The following FMN1 variants were observed in gnomAD, a reference collection of about 807,000 sequenced individuals.
The protein encoded by FMN1 is formin-1.
FMN1 carries 110 observed loss-of-function variants against 132.4 expected under a neutral mutation model. That is an observed-to-expected ratio of 0.83 (90% CI 0.71 to 0.97). The LOEUF is 0.97. Among genes scored for constraint, FMN1 ranks in the 50% least tolerant of loss-of-function variants. The pLI is 0.00. For synonymous variants in FMN1, 722 were observed against 651.7 expected, an observed-to-expected ratio of 1.11 and a Z score of -1.64; for missense variants, 1,792 against 1,705.3, an observed-to-expected ratio of 1.05 and a Z score of -0.90.
intron 3 of FMN1, among the ~76,000 whole-genome samples, chr15:33,165,542 C>A (rs951520715): frequency 1.3e-5 from 2 of 152,158 alleles, no homozygotes; most frequent in African/African-American, 2.4e-5. Flanking sequence ...AGGCGCCCGC[C>A]ACCACGCCCG....
intron 5 of FMN1, chr15:33,067,233 C>G (rs1282151894): frequency 6.2e-7 from 1 of 1,613,352 alleles, no homozygotes; most frequent in Non-Finnish European, 8.5e-7. Flanking sequence ...TTGCCAGCTT[C>G]CAGTTTGCTG....
intron 4 of FMN1, among the ~76,000 whole-genome samples, chr15:33,106,602 T>C (rs2039497244): frequency 1.3e-5 from 2 of 152,106 alleles, no homozygotes; most frequent in African/African-American, 4.8e-5. Context: ...GAGTTCACTG[T>C]TCACTCTTCA....
At chr15:32,827,500 A>C (rs1321874846) in intron 17 of FMN1, among the ~76,000 whole-genome samples, 1 of 152,296 alleles carries the variant, frequency 6.6e-6, no homozygotes, top group African/African-American at 2.4e-5. Context: ...TTCTAACAAA[A>C]GAGTTATAAT....
At chr15:33,141,107 T>A (rs1242440638) in intron 4 of FMN1, among the ~76,000 whole-genome samples, 1 of 152,188 alleles carries the variant, frequency 6.6e-6, no homozygotes, top group East Asian at 1.9e-4. Context: ...CTTTTCTTCT[T>A]ACTTTGTTAA....
intron 7 of FMN1, among the ~76,000 whole-genome samples, chr15:32,985,100 A>ATTATC (rs368510318): frequency 1.8e-3 from 273 of 151,854 alleles, no homozygotes; most frequent in African/African-American, 6.5e-3. Context: ...GCAGTTACTT[A>ATTATC]TTATCTTTTT....
At chr15:33,161,972 T>G (rs1964914990) in intron 3 of FMN1, among the ~76,000 whole-genome samples, 2 of 151,988 alleles carry the variant, frequency 1.3e-5, no homozygotes, top group African/African-American at 4.8e-5. Context: ...TTAATGGCTC[T>G]TCTTCTTTCC....
intron 6 of FMN1, among the ~76,000 whole-genome samples, chr15:33,032,606 T>C (rs558958996): frequency 2.0e-5 from 3 of 152,356 alleles, no homozygotes; most frequent in Non-Finnish European, 4.4e-5. Flanking sequence ...TAGAGGACCA[T>C]CTCTGGTGTT....
In FMN1 at chr15:32,829,671, T is replaced by C. The variant is rs139979764; in HGVS notation, c.3929-25339A>G. ...TTGGTGTTGGTATGGACTGGGCATA[T>C]TGTCTCAGCTTACAAAAGCAATAAG... On this transcript the variant is annotated intron_variant, in intron 17 of 20. Coordinates refer to ENST00000616417, the MANE Select transcript of FMN1 (RefSeq NM_001277313.2). 6.1e-3 allele frequency among the ~76,000 whole-genome samples: 923 copies of C among 152,292 alleles called. 3 individuals are homozygous for C. Among genetic ancestry groups the C allele is most frequent in the South Asian group, 0.017 (80 of 4,826 alleles).
intron 6 of FMN1, among the ~76,000 whole-genome samples, chr15:33,061,693 G>C (rs1476852138): frequency 6.6e-6 from 1 of 151,964 alleles, no homozygotes. Flanking sequence ...GTATTGTAAT[G>C]CTACAATAAG....
chr15:33,177,899 T>C (rs1177639531), intron 3 of FMN1, among the ~76,000 whole-genome samples: 1 of 151,924 alleles, frequency 6.6e-6, no homozygotes, highest in Non-Finnish European at 1.5e-5. Context: ...TCCCAGCTAC[T>C]TGGGAGGCTG....
At chr15:32,869,855 G>T (rs1422314895) in intron 16 of FMN1, among the ~76,000 whole-genome samples, 2 of 152,236 alleles carry the variant, frequency 1.3e-5, no homozygotes, top group African/African-American at 4.8e-5. Context: ...ACTGATTCTA[G>T]TGACACAGAG....
At chr15:32,808,242 C>T (rs1384326281) in intron 17 of FMN1, among the ~76,000 whole-genome samples, 1 of 152,226 alleles carries the variant, frequency 6.6e-6, no homozygotes, top group African/African-American at 2.4e-5. Flanking sequence ...GCTATGGGCC[C>T]AAGGAATGCA....
intron 2 of FMN1, among the ~76,000 whole-genome samples, chr15:33,188,107 G>C (rs569032580): frequency 3.8e-3 from 577 of 152,218 alleles, no homozygotes; most frequent in Non-Finnish European, 6.7e-3. Context: ...GGCCGAGGCG[G>C]GCAGATCACA....
chr15:33,069,756 T>C (rs1318552289), intron 5 of FMN1, among the ~76,000 whole-genome samples: 1 of 152,228 alleles, frequency 6.6e-6, no homozygotes. Context: ...TTTGATCTTG[T>C]GTTTTAAACA....
intron 4 of FMN1, among the ~76,000 whole-genome samples, chr15:33,091,525 A>C (rs1215692080): frequency 6.6e-6 from 1 of 152,362 alleles, no homozygotes; most frequent in East Asian, 1.9e-4. Context: ...ACCATGATGC[A>C]TAATAATTTT....
At chr15:33,055,045 G>A (rs917412647) in intron 6 of FMN1, among the ~76,000 whole-genome samples, 8 of 152,128 alleles carry the variant, frequency 5.3e-5, no homozygotes, top group African/African-American at 1.9e-4. Flanking sequence ...AACTAGTTCA[G>A]GCCATGATGG....
chr15:33,190,097 A>G (rs577892836), intron 2 of FMN1, among the ~76,000 whole-genome samples: 1 of 152,298 alleles, frequency 6.6e-6, no homozygotes, highest in South Asian at 2.1e-4. Context: ...CTCAGTTGTA[A>G]TTCTCACAGA....
chr15:32,917,574 C>A (rs7179090), intron 10 of FMN1, among the ~76,000 whole-genome samples: 1 of 152,116 alleles, frequency 6.6e-6, no homozygotes, highest in Admixed American at 6.5e-5. Context: ...TCATATGAGG[C>A]GGGTGCGTTT....
intron 7 of FMN1, among the ~76,000 whole-genome samples, chr15:33,001,214 C>T (rs903814572): frequency 2.0e-5 from 3 of 151,734 alleles, no homozygotes; most frequent in Non-Finnish European, 2.9e-5. Flanking sequence ...ATCTGGGAGG[C>T]GGAGGTTGCA....
Sources: allele counts gnomAD v4.1 joint callset (sites outside exome capture counted in the v4.1 genomes callset), GRCh38; gene constraint gnomAD v4.1.1; transcripts MANE v1.5; gene names NCBI Gene and HGNC (gene_info 2026-07-23, HGNC 2026-07-21).